The following MTM1 variants were observed in gnomAD, a reference collection of about 807,000 sequenced individuals.
MTM1 encodes myotubularin 1.
In MTM1, 9 loss-of-function variants were observed where a neutral mutation model predicts 52.1. The observed-to-expected ratio is 0.17, with a 90% CI of 0.10 to 0.30. MTM1 has a LOEUF of 0.30. MTM1 is among the 10% of genes least tolerant of loss of function. The pLI is 1.00. For synonymous variants in MTM1, 136 were observed against 163.8 expected (o/e 0.83, Z 1.29); for missense variants, 277 against 470.7 (o/e 0.59, Z 3.81).
chrX:150,652,103 A>G (rs2040030987), intron 10 of MTM1, among the ~76,000 whole-genome samples: 1 of 111,276 alleles, frequency 9.0e-6, no homozygotes, highest in Non-Finnish European at 1.9e-5. Flanking sequence ...GGGCTTTTCA[A>G]GTCATGGGAA....
intron 6 of MTM1, among the ~76,000 whole-genome samples, chrX:150,634,426 A>C (rs1343223221): frequency 7.1e-5 from 8 of 112,449 alleles, no homozygotes; most frequent in African/African-American, 2.6e-4. Flanking sequence ...CAGAGACTTT[A>C]CCCCCACAAG....
intron 10 of MTM1, among the ~76,000 whole-genome samples, chrX:150,655,999 C>T (rs2040106945): frequency 8.9e-6 from 1 of 111,814 alleles, no homozygotes; most frequent in Non-Finnish European, 1.9e-5. Context: ...TACTAGAATA[C>T]TTTCACTTTA....
rs931369188 is a variant in MTM1 at position 150,652,656 on chromosome X, T to C, written c.1053+2755T>C. Among the ~76,000 whole-genome samples, 234 of 44,141 alleles carry C rather than the reference T, an allele frequency of 5.3e-3. 2 individuals are homozygous for C. Among genetic ancestry groups the C allele is most frequent in the African/African-American group, 0.017 (210 of 12,041 alleles). The allele number at this position is 44,141 out of a possible 115,157, so 38.3% of individuals were successfully genotyped here. ...ATATACGTGTGTGTGTGTATATATA[T>C]ATACACACACACACACACACACACA... On this transcript the variant is annotated intron_variant, in intron 10 of 14. Transcript: ENST00000370396.
intron 2 of MTM1, among the ~76,000 whole-genome samples, chrX:150,594,441 A>G (rs1178136674): frequency 1.8e-5 from 2 of 111,564 alleles, no homozygotes; most frequent in African/African-American, 6.5e-5. Context: ...CAGCTCTATA[A>G]TATGTTACAA....
At chrX:150,590,960 A>T (rs1488019074) in intron 1 of MTM1, 1 of 626,471 alleles carries the variant, frequency 1.6e-6, no homozygotes, top group Non-Finnish European at 1.9e-6. Flanking sequence ...GAGCAGATAC[A>T]TCTGACTTGC....
intron 13 of MTM1, among the ~76,000 whole-genome samples, chrX:150,660,986 G>A (rs1354392758): frequency 5.4e-5 from 6 of 111,555 alleles, no homozygotes; most frequent in African/African-American, 2.0e-4. Context: ...CCAAAATTGG[G>A]GATCAGATTT....
At chrX:150,655,965 T>A (rs1259697847) in intron 10 of MTM1, among the ~76,000 whole-genome samples, 1 of 112,122 alleles carries the variant, frequency 8.9e-6, no homozygotes, top group African/African-American at 3.2e-5. Context: ...ATAAATTTAT[T>A]GATACTTCTA....
intron 5 of MTM1, 126 bp downstream of exon 5, chrX:150,614,825 G>A (rs1299615124): frequency 2.2e-6 from 1 of 462,244 alleles, no homozygotes; most frequent in African/African-American, 2.5e-5. Flanking sequence ...CCTGGAAATG[G>A]TTCTTCCCTT....
intron 1 of MTM1, among the ~76,000 whole-genome samples, chrX:150,583,214 TA>T (rs1557411963): frequency 4.2e-5 from 3 of 71,552 alleles, no homozygotes; most frequent in Non-Finnish European, 7.0e-5. Context: ...TATAAATATA[TA>T]AAAATTATAT....
At chrX:150,573,849 A>G (rs1269052849) in intron 1 of MTM1, among the ~76,000 whole-genome samples, 1 of 112,199 alleles carries the variant, frequency 8.9e-6, no homozygotes, top group Non-Finnish European at 1.9e-5. Flanking sequence ...CACAGCAGTG[A>G]CCCTTGGCCA....
At chrX:150,577,885 T>C (rs2038500698) in intron 1 of MTM1, among the ~76,000 whole-genome samples, 1 of 112,365 alleles carries the variant, frequency 8.9e-6, no homozygotes, top group African/African-American at 3.2e-5. Context: ...CTTCCAGAAC[T>C]TTTTTAGTCC....
chrX:150,629,348 C>T (rs947801038), intron 6 of MTM1, among the ~76,000 whole-genome samples: 1 of 111,930 alleles, frequency 8.9e-6, no homozygotes, highest in Admixed American at 9.5e-5. Flanking sequence ...CAGGGTAGTT[C>T]AGATACCAAC....
At chrX:150,583,150 A>G (rs1248399717) in intron 1 of MTM1, among the ~76,000 whole-genome samples, 3 of 78,954 alleles carry the variant, frequency 3.8e-5, no homozygotes, top group Non-Finnish European at 6.6e-5. Flanking sequence ...TTATAAATAT[A>G]TATAAATTAT....
chrX:150,607,813 G>A (rs955440745), intron 4 of MTM1, among the ~76,000 whole-genome samples: 1 of 111,569 alleles, frequency 9.0e-6, no homozygotes, highest in Non-Finnish European at 1.9e-5. Context: ...GGTGAGCACC[G>A]CAAACAGTTT....
intron 5 of MTM1, 64 bp downstream of exon 5, chrX:150,614,763 A>G: frequency 1.2e-5 from 7 of 594,261 alleles, no homozygotes; most frequent in South Asian, 1.0e-4. Context: ...GATAGTAGAC[A>G]ATTAATGTGG....
chrX:150,582,432 C>T (rs2038602040), intron 1 of MTM1, among the ~76,000 whole-genome samples: 1 of 111,774 alleles, frequency 8.9e-6, no homozygotes, highest in Admixed American at 9.5e-5. Context: ...CAACCTCCTG[C>T]CTATTATGGG....
chrX:150,583,212 T>C (rs1401009897), intron 1 of MTM1, among the ~76,000 whole-genome samples: 1 of 71,503 alleles, frequency 1.4e-5, no homozygotes, highest in Non-Finnish European at 2.3e-5. Flanking sequence ...ATTATAAATA[T>C]ATAAAAATTA....
chrX:150,586,550 A>G (rs1345490621), intron 1 of MTM1, among the ~76,000 whole-genome samples: 3 of 111,017 alleles, frequency 2.7e-5, no homozygotes, highest in African/African-American at 9.9e-5. Context: ...TGGTTAGGCA[A>G]TCAAGGATAT....
intron 1 of MTM1, among the ~76,000 whole-genome samples, chrX:150,579,009 C>T (rs1396187934): frequency 1.4e-5 from 1 of 69,399 alleles, no homozygotes; most frequent in African/African-American, 4.9e-5. Flanking sequence ...CGATATGTAT[C>T]TATATATCTC....
Sources: gnomAD v4.1 joint callset for allele counts (sites outside exome capture counted in the v4.1 genomes callset) on GRCh38, gnomAD v4.1.1 for gene constraint, MANE v1.5 for transcripts, NCBI Gene and HGNC (gene_info 2026-07-23, HGNC 2026-07-21) for gene names.